MAGED1: variants seen among roughly 807,000 people sequenced by gnomAD.
MAGED1 encodes melanoma-associated antigen D1.
MAGED1 carries 3 observed loss-of-function variants against 54.1 expected under a neutral mutation model. The ratio of observed to expected loss-of-function variants is 0.06; its 90% CI spans 0.03 to 0.14. The LOEUF is 0.14. Among genes scored for constraint, MAGED1 ranks in the 10% least tolerant of loss-of-function variants. The pLI is 1.00. For synonymous variants in MAGED1, 217 were observed against 227.3 expected (o/e 0.95, Z 0.41); for missense variants, 485 against 623.4 (o/e 0.78, Z 2.36).
rs782128057 is a variant in MAGED1, at chrX:51,886,853, C to T, written c.-36-7416C>T. Reference sequence around the variant, plus strand: ...GAGCAATCACTTCAGCTCAGGAGTTCGAAACCAGCCTAGGCAACATAGGGA... The same window carrying T: ...GAGCAATCACTTCAGCTCAGGAGTTTGAAACCAGCCTAGGCAACATAGGGA... On this transcript the variant is annotated intron_variant, in intron 1 of 12. Transcript: ENST00000375772. Among the ~76,000 whole-genome samples, 5 of 110,363 alleles carry T rather than the reference C, an allele frequency of 4.5e-5. No individual in the cohort carries two copies. The South Asian group carries it at 1.5e-3, about 34-fold the overall frequency.
intron 1 of MAGED1, among the ~76,000 whole-genome samples, chrX:51,853,988 T>C (rs1436764087): frequency 5.4e-5 from 6 of 112,094 alleles, no homozygotes; most frequent in African/African-American, 1.9e-4. Context: ...AACCCAGCTC[T>C]GTCCAACCCT....
intron 6 of MAGED1, 21 bp from the exon 7 acceptor site, chrX:51,897,774 T>A (rs1557364481): frequency 1.7e-6 from 2 of 1,149,354 alleles, no homozygotes; most frequent in South Asian, 1.8e-5. Flanking sequence ...AATTTCATAG[T>A]CTGTTTTCTT....
chrX:51,819,765 C>A (rs1449215634), intron 1 of MAGED1, among the ~76,000 whole-genome samples: 1 of 111,157 alleles, frequency 9.0e-6, no homozygotes, highest in Non-Finnish European at 1.9e-5. Context: ...TTTTCACTTT[C>A]TTGATAGTGT....
At chrX:51,842,707 A>G (rs1463205124) in intron 1 of MAGED1, among the ~76,000 whole-genome samples, 1 of 111,420 alleles carries the variant, frequency 9.0e-6, no homozygotes, top group East Asian at 2.8e-4. Flanking sequence ...TATTTATAAG[A>G]TGGGGTATCA....
intron 11 of MAGED1, 87 bp downstream of exon 11, chrX:51,900,383 G>A: frequency 1.4e-6 from 1 of 704,073 alleles, no homozygotes; most frequent in Non-Finnish European, 2.1e-6. Context: ...TGAGATCCTA[G>A]GTGTGGCAGG....
At chrX:51,872,645 G>A in intron 1 of MAGED1, among the ~76,000 whole-genome samples, 1 of 111,998 alleles carries the variant, frequency 8.9e-6, no homozygotes, top group Middle Eastern at 4.6e-3. Context: ...TTTGCTTTGA[G>A]GTAGGCGATC....
chrX:51,854,395 G>A (rs1180029862), intron 1 of MAGED1, among the ~76,000 whole-genome samples: 1 of 111,885 alleles, frequency 8.9e-6, no homozygotes, highest in East Asian at 2.8e-4. Flanking sequence ...TAGATGAAAG[G>A]AGGAGGGAGA....
At chrX:51,840,625 C>T (rs1306272240) in intron 1 of MAGED1, among the ~76,000 whole-genome samples, 17 of 107,732 alleles carry the variant, frequency 1.6e-4, no homozygotes, top group African/African-American at 5.8e-4. Context: ...TGATGTTCCC[C>T]TTCCTGTGTC....
intron 1 of MAGED1, among the ~76,000 whole-genome samples, chrX:51,824,452 C>G (rs1925755210): frequency 9.1e-6 from 1 of 110,227 alleles, no homozygotes; most frequent in Non-Finnish European, 1.9e-5. Context: ...GGATTTTCTC[C>G]TTGTTTTTGG....
At chrX:51,872,653 A>T (rs1434323722) in intron 1 of MAGED1, among the ~76,000 whole-genome samples, 1 of 112,073 alleles carries the variant, frequency 8.9e-6, no homozygotes, top group Non-Finnish European at 1.9e-5. Context: ...GAGGTAGGCG[A>T]TCAGCAGGAC....
chrX:51,833,402 A>G lies in MAGED1; in HGVS notation c.-37+30285A>G, dbSNP rs782328328. ...TACCTTTAATTTCTTAAAAAATCTTAGTAAGTGTGCTGTTGCTGAATCAAT... is the reference window on the plus strand; with the variant it reads ...TACCTTTAATTTCTTAAAAAATCTTGGTAAGTGTGCTGTTGCTGAATCAAT... On this transcript the variant is annotated intron_variant, in intron 1 of 12. Transcript: ENST00000375772. Among the ~76,000 whole-genome samples, 5 of 111,432 alleles carry G rather than the reference A, an allele frequency of 4.5e-5. No individual in the cohort carries two copies. In the South Asian group the frequency reaches 1.9e-3, roughly 42 times the overall value.
rs187496763 is a variant in MAGED1, at chrX:51,870,513, A to G, written c.-36-23756A>G. ...AGATATTTGCCTTGCGTATATAAAG[A>G]TGTGGTCATTCTTTGCATGCTCTTT... On this transcript the variant is annotated intron_variant, in intron 1 of 12. Coordinates refer to the MAGED1 transcript ENST00000375772. Among the ~76,000 whole-genome samples the G allele has an allele frequency of 8.9e-5, 10 of 111,834 alleles. No homozygotes were observed. In the East Asian group the frequency reaches 2.8e-3, roughly 31 times the overall value.
intron 1 of MAGED1, among the ~76,000 whole-genome samples, chrX:51,847,011 G>A (rs1319756517): frequency 8.9e-6 from 1 of 112,093 alleles, no homozygotes; most frequent in Non-Finnish European, 1.9e-5. Flanking sequence ...TGTTATAGCA[G>A]CAACAGGATG....
chrX:51,897,504 T>G, intron 5 of MAGED1, 43 bp from the exon 6 acceptor site: 1 of 1,053,634 alleles, frequency 9.5e-7, no homozygotes, highest in African/African-American at 1.8e-5. Context: ...TGCTGCTCTG[T>G]GGCCCCCGCT....
At chrX:51,860,606 A>T (rs1355384253) in intron 1 of MAGED1, among the ~76,000 whole-genome samples, 2 of 111,574 alleles carry the variant, frequency 1.8e-5, no homozygotes, top group Non-Finnish European at 3.8e-5. Context: ...TTCAGTAGGT[A>T]GTCCGGAATT....
At chrX:51,820,352 A>G (rs1450819534) in intron 1 of MAGED1, among the ~76,000 whole-genome samples, 1 of 112,290 alleles carries the variant, frequency 8.9e-6, no homozygotes, top group Admixed American at 9.4e-5. Context: ...GTGAATCTAT[A>G]GATCAGTTTG....
intron 1 of MAGED1, among the ~76,000 whole-genome samples, chrX:51,836,996 C>CT (rs1222693842): frequency 9.0e-6 from 1 of 111,657 alleles, no homozygotes; most frequent in Non-Finnish European, 1.9e-5. Context: ...TCACTGGACT[C>CT]TGAGCTTTGT....
chrX:51,845,561 A>T (rs1215091369), intron 1 of MAGED1, among the ~76,000 whole-genome samples: 2 of 111,293 alleles, frequency 1.8e-5, no homozygotes, highest in Non-Finnish European at 1.9e-5. Flanking sequence ...TTTGCAGTTT[A>T]ACAGGTCCAC....
At chrX:51,844,125 T>G (rs1926601584) in intron 1 of MAGED1, among the ~76,000 whole-genome samples, 2 of 111,829 alleles carry the variant, frequency 1.8e-5, no homozygotes, top group Admixed American at 1.9e-4. Context: ...GCTCCTCTCT[T>G]AGATATGAGC....
Sources: allele counts gnomAD v4.1 joint callset (sites outside exome capture counted in the v4.1 genomes callset), GRCh38; gene constraint gnomAD v4.1.1; transcripts MANE v1.5; gene names NCBI Gene and HGNC (gene_info 2026-07-23, HGNC 2026-07-21).